Variants in BAZ2B observed in about 807,000 individuals in gnomAD.
BAZ2B encodes the protein bromodomain adjacent to zinc finger domain 2B.
A neutral mutation model predicts 246.0 loss-of-function variants in BAZ2B; 91 were observed. The ratio of observed to expected loss-of-function variants is 0.37; its 90% confidence interval spans 0.31 to 0.44. The LOEUF is 0.44. BAZ2B is among the 20% of genes least tolerant of loss of function. BAZ2B has a pLI of 1.00. For synonymous variants in BAZ2B, 855 were observed against 860.0 expected, an observed-to-expected ratio of 0.99 and a Z score of 0.10; for missense variants, 2,332 against 2,533.7, an observed-to-expected ratio of 0.92 and a Z score of 1.71.
the BAZ2B span, among the ~76,000 whole-genome samples, chr2:159,698,485 C>A: frequency 7.4e-6 from 1 of 134,592 alleles, no homozygotes; most frequent in Non-Finnish European, 1.5e-5. Flanking sequence ...GCCTAGGCAA[C>A]AGAGCAAGAC....
intron 2 of BAZ2B, among the ~76,000 whole-genome samples, chr2:159,548,004 G>C (rs921081169): frequency 2.0e-5 from 3 of 152,170 alleles, no homozygotes; most frequent in African/African-American, 7.2e-5. Flanking sequence ...TGTTAAAACA[G>C]TACAACTTCT....
At chr2:159,316,090 T>C (rs1289361690), downstream of BAZ2B, among the ~76,000 whole-genome samples, 1 of 152,226 alleles carries the variant, frequency 6.6e-6, no homozygotes, top group Non-Finnish European at 1.5e-5. Context: ...GCTAAATAAA[T>C]ACATAAGTAG....
At chr2:159,368,782 G>A (rs1349180877) in intron 27 of BAZ2B, among the ~76,000 whole-genome samples, 2 of 147,592 alleles carry the variant, frequency 1.4e-5, no homozygotes, top group African/African-American at 5.1e-5. Context: ...TCAGTGTCCA[G>A]AGAGGTTATG....
the BAZ2B span, among the ~76,000 whole-genome samples, chr2:159,682,904 A>ACCCCCC: frequency 2.1e-5 from 2 of 95,344 alleles, no homozygotes; most frequent in East Asian, 5.5e-4. Flanking sequence ...ATAAACTGCC[A>ACCCCCC]CCCCTCCCCC....
rs1048957696 is a variant in BAZ2B, at chr2:159,425,699, T to G, written c.2466+2242A>C. Among the ~76,000 whole-genome samples the G allele has an allele frequency of 3.3e-5, 5 of 152,234 alleles. No homozygotes were observed. In the South Asian group the frequency reaches 6.2e-4, roughly 19 times the overall value. The stretch of plus-strand genomic sequence containing the variant: ...AAAGCAGATATATTGTAAATACGTA[T>G]GATCATCACTGCATGGTAGCAGTAG... On this transcript the variant is annotated intron_variant, in intron 13 of 36. Transcript: ENST00000392783.
At chr2:159,565,397 A>G (rs1266291802) in intron 1 of BAZ2B, among the ~76,000 whole-genome samples, 2 of 152,230 alleles carry the variant, frequency 1.3e-5, no homozygotes, top group Non-Finnish European at 2.9e-5. Flanking sequence ...GGGAGACAGT[A>G]TAACACACAT....
chr2:159,389,246 G>C (rs1043669886), intron 21 of BAZ2B, 99 bp downstream of exon 21: 2 of 1,235,558 alleles, frequency 1.6e-6, no homozygotes, highest in African/African-American at 3.1e-5. Flanking sequence ...AGTTAAAAAT[G>C]AAAGGCTTTC....
chr2:159,653,216 A>G, the BAZ2B span, among the ~76,000 whole-genome samples: 1 of 152,200 alleles, frequency 6.6e-6, no homozygotes, highest in Non-Finnish European at 1.5e-5. Context: ...CTGGGATTAT[A>G]GGCGTGAGCC....
intron 1 of BAZ2B, among the ~76,000 whole-genome samples, chr2:159,574,771 G>A (rs1208646016): frequency 6.6e-6 from 1 of 151,910 alleles, no homozygotes; most frequent in African/African-American, 2.4e-5. Context: ...GGATGACGAG[G>A]TCAAAAATTC....
chr2:159,456,831 T>C (rs1384313104), intron 3 of BAZ2B, among the ~76,000 whole-genome samples: 1 of 152,176 alleles, frequency 6.6e-6, no homozygotes, highest in African/African-American at 2.4e-5. Context: ...CTTATCATAA[T>C]TGTAGTAATA....
chr2:159,400,122 A>G (rs1432792368), intron 17 of BAZ2B, among the ~76,000 whole-genome samples: 7 of 152,200 alleles, frequency 4.6e-5, no homozygotes, highest in Non-Finnish European at 1.0e-4. Flanking sequence ...TTGCCAACAG[A>G]TGTCCTCTAT....
intron 6 of BAZ2B, among the ~76,000 whole-genome samples, chr2:159,439,554 A>C (rs747688877): frequency 2.6e-4 from 40 of 152,230 alleles, no homozygotes; most frequent in Non-Finnish European, 4.3e-4. Context: ...ATACATCAAA[A>C]GTTACACATT....
chr2:159,578,328 A>T (rs1390719805), intron 1 of BAZ2B, among the ~76,000 whole-genome samples: 1 of 152,204 alleles, frequency 6.6e-6, no homozygotes, highest in Non-Finnish European at 1.5e-5. Flanking sequence ...TTCACAGTTC[A>T]TAAAAAAAAG....
intron 1 of BAZ2B, among the ~76,000 whole-genome samples, chr2:159,587,817 CT>C (rs1239977274): frequency 1.3e-5 from 2 of 152,234 alleles, no homozygotes; most frequent in African/African-American, 4.8e-5. Flanking sequence ...GTTCCAGCAC[CT>C]AGCAAAATGA....
chr2:159,328,078 A>C (rs1161426493), intron 34 of BAZ2B, among the ~76,000 whole-genome samples: 6 of 151,400 alleles, frequency 4.0e-5, no homozygotes, highest in Non-Finnish European at 7.4e-5. Context: ...ACGAAAAAAA[A>C]AAAAAAAAAA....
intron 1 of BAZ2B, among the ~76,000 whole-genome samples, chr2:159,583,328 T>C (rs1687283326): frequency 6.6e-6 from 1 of 152,156 alleles, no homozygotes; most frequent in Non-Finnish European, 1.5e-5. Flanking sequence ...TTGGCCAGGC[T>C]GATCTAGAGC....
chr2:159,330,413 GT>G (rs2064528075), intron 34 of BAZ2B, among the ~76,000 whole-genome samples: 1 of 152,190 alleles, frequency 6.6e-6, no homozygotes, highest in Non-Finnish European at 1.5e-5. Flanking sequence ...GAAAATCAAT[GT>G]TTCAAAGAGG....
intron 2 of BAZ2B, among the ~76,000 whole-genome samples, chr2:159,497,377 T>C (rs1032247530): frequency 6.6e-6 from 1 of 152,212 alleles, no homozygotes; most frequent in Admixed American, 6.5e-5. Flanking sequence ...ATGCTTTCCC[T>C]GTGCTTGACT....
intron 13 of BAZ2B, among the ~76,000 whole-genome samples, chr2:159,416,551 T>C (rs193006999): frequency 6.9e-4 from 105 of 152,296 alleles, no homozygotes; most frequent in African/African-American, 2.4e-3. Context: ...CTGCATTTGG[T>C]TTTTAAAGTA....
Sources: gnomAD v4.1 joint callset for allele counts (sites outside exome capture counted in the v4.1 genomes callset) on GRCh38, gnomAD v4.1.1 for gene constraint, MANE v1.5 for transcripts, NCBI Gene and HGNC (gene_info 2026-07-23, HGNC 2026-07-21) for gene names.